Variants in AIG1 observed in about 807,000 individuals in gnomAD.
AIG1 encodes androgen-induced gene 1 protein.
In AIG1, 23 loss-of-function variants were observed where a neutral mutation model predicts 31.4. The observed-to-expected ratio is 0.73, with a 90% CI of 0.53 to 1.04. AIG1 has a LOEUF of 1.04. AIG1 is among the 50% of genes least tolerant of loss of function. The pLI, the probability that AIG1 is intolerant of heterozygous loss-of-function variation, is 0.00. For missense variants in AIG1, 274 were observed against 295.0 expected (o/e 0.93, Z 0.52); for synonymous variants, 100 against 110.5 (o/e 0.90, Z 0.60).
rs1776920302 is a variant in AIG1, at chr6:143,329,765, T to C, written c.516-3517T>C. ...AGTTGAAAAAATCAAAAGATGAATA[T>C]TTCATGATGTGAAAATTACATCTAA... On this transcript the variant is annotated intron_variant, in intron 4 of 5. Transcript: ENST00000357847. This position sits in a 1 kb window ranked among gnomAD's most constrained non-coding sequence, Gnocchi z 4.9. Among the ~76,000 whole-genome samples the C allele has an allele frequency of 2.0e-5, 3 of 152,222 alleles. No homozygotes were observed. Among genetic ancestry groups the C allele is most frequent in the Non-Finnish European group, 2.9e-5 (2 of 68,042 alleles).
intron 1 of AIG1, among the ~76,000 whole-genome samples, chr6:143,102,803 T>C (rs1562378075): frequency 6.6e-6 from 1 of 152,082 alleles, no homozygotes; most frequent in Non-Finnish European, 1.5e-5. Flanking sequence ...GTCAAAATAG[T>C]CATGCATTTC....
intron 3 of AIG1, among the ~76,000 whole-genome samples, chr6:143,172,492 A>T (rs577069850): frequency 6.6e-6 from 1 of 152,134 alleles, no homozygotes; most frequent in African/African-American, 2.4e-5. Context: ...GGATTTTTGC[A>T]TCTATGTTCA....
At chr6:143,228,231 C>T (rs761370553) in intron 3 of AIG1, among the ~76,000 whole-genome samples, 23 of 152,184 alleles carry the variant, frequency 1.5e-4, no homozygotes, top group African/African-American at 2.9e-4. Context: ...TACTGTTCTC[C>T]GTGACCTACA....
rs541668105 is a variant in AIG1 at position 143,080,005 on chromosome 6, C to T, written c.141+18939C>T. Among the ~76,000 whole-genome samples, 43 of 152,176 alleles carry T rather than the reference C, an allele frequency of 2.8e-4. 1 individual carries two copies. In the South Asian group the frequency reaches 5.8e-3, roughly 21 times the overall value. On this transcript the variant is annotated intron_variant, in intron 1 of 5. Coordinates refer to ENST00000357847, the MANE Select transcript of AIG1 (RefSeq NM_016108.4). ...TGTATTTTAGTGAGCCCTCTTTATACCTGATTGGCTGAGTGTGAGCTGAGT... is the reference window on the plus strand; with the variant it reads ...TGTATTTTAGTGAGCCCTCTTTATATCTGATTGGCTGAGTGTGAGCTGAGT...
chr6:143,195,963 G>A (rs1438752340), intron 3 of AIG1, among the ~76,000 whole-genome samples: 2 of 152,256 alleles, frequency 1.3e-5, no homozygotes, highest in East Asian at 3.8e-4. Context: ...CGAAGCAAGG[G>A]CAGATTGAGA....
chr6:143,129,356 C>T (rs1783008269), intron 1 of AIG1, among the ~76,000 whole-genome samples: 1 of 152,098 alleles, frequency 6.6e-6, no homozygotes, highest in Admixed American at 6.5e-5. Context: ...CTTTCCCTGA[C>T]CTCCACGTAC....
At position 143,329,332 on chromosome 6, in the gene AIG1, C is replaced by G. The variant is rs866676707; in HGVS notation, c.516-3950C>G. On this transcript the variant is annotated intron_variant, in intron 4 of 5. Transcript: ENST00000357847. This position sits in a 1 kb window ranked among gnomAD's most constrained non-coding sequence, Gnocchi z 4.9. ...CTTTAGTCTGATCTCAGTTTCTTTA[C>G]CTGTTTAAAGAGAATAATCATACCT... Among the ~76,000 whole-genome samples, 2 of 152,100 alleles carry G rather than the reference C, an allele frequency of 1.3e-5. No homozygotes were observed. Among genetic ancestry groups the G allele is most frequent in the South Asian group, 4.2e-4 (2 of 4,818 alleles).
intron 3 of AIG1, among the ~76,000 whole-genome samples, chr6:143,277,773 A>G (rs1797046924): frequency 6.6e-6 from 1 of 152,232 alleles, no homozygotes; most frequent in Admixed American, 6.5e-5. Context: ...TGGTGTTCAT[A>G]TGATATGGGA....
chr6:143,255,654 A>G (rs932629229), intron 3 of AIG1, among the ~76,000 whole-genome samples: 5 of 152,172 alleles, frequency 3.3e-5, no homozygotes, highest in African/African-American at 1.2e-4. Context: ...CACATTATCC[A>G]TGGGTGGATT....
At chr6:143,264,802 A>C (rs1796039692) in intron 3 of AIG1, among the ~76,000 whole-genome samples, 1 of 152,212 alleles carries the variant, frequency 6.6e-6, no homozygotes, top group Non-Finnish European at 1.5e-5. Context: ...GCTGAAAATA[A>C]AAAGACCATA....
intron 3 of AIG1, among the ~76,000 whole-genome samples, chr6:143,199,664 A>G (rs12210837): frequency 6.6e-6 from 1 of 152,100 alleles, no homozygotes; most frequent in Non-Finnish European, 1.5e-5. Flanking sequence ...TAATTCATTA[A>G]CAATTTGCTT....
At chr6:143,283,953 G>A (rs1391044611) in intron 3 of AIG1, among the ~76,000 whole-genome samples, 157 bp from the exon 4 acceptor site, 1 of 152,136 alleles carries the variant, frequency 6.6e-6, no homozygotes, top group East Asian at 1.9e-4. Flanking sequence ...CGCACTATGT[G>A]GTTTTACGTC....
chr6:143,247,972 T>A (rs946000333), intron 3 of AIG1, among the ~76,000 whole-genome samples: 5 of 152,170 alleles, frequency 3.3e-5, no homozygotes, highest in African/African-American at 4.8e-5. Context: ...TAAAAGGCTC[T>A]TGCGTCTCAT....
chr6:143,077,920 G>C (rs899526065), intron 1 of AIG1, among the ~76,000 whole-genome samples: 4 of 152,142 alleles, frequency 2.6e-5, no homozygotes, highest in Non-Finnish European at 4.4e-5. Context: ...TCTATCTACT[G>C]ATGAGGATCC....
chr6:143,319,278 C>T (rs56038389), intron 4 of AIG1, among the ~76,000 whole-genome samples: 4,698 of 152,112 alleles, frequency 0.031, 77 homozygotes, highest in Middle Eastern at 0.058. Flanking sequence ...GTATACACCA[C>T]GGAATACTAC....
intron 2 of AIG1, among the ~76,000 whole-genome samples, chr6:143,147,300 G>T (rs1784795492): frequency 6.6e-6 from 1 of 152,076 alleles, no homozygotes; most frequent in Non-Finnish European, 1.5e-5. Flanking sequence ...GTTCATTTTT[G>T]ACCAGAAAAG....
chr6:143,305,873 G>A (rs1283197835), intron 4 of AIG1, among the ~76,000 whole-genome samples: 2 of 151,978 alleles, frequency 1.3e-5, no homozygotes, highest in Non-Finnish European at 2.9e-5. Context: ...TCTCTTTGTA[G>A]GTCACTCAGG....
At chr6:143,306,807 G>A (rs1358276033) in intron 4 of AIG1, among the ~76,000 whole-genome samples, 1 of 152,160 alleles carries the variant, frequency 6.6e-6, no homozygotes, top group Admixed American at 6.5e-5. Context: ...TTCCAACTTG[G>A]TTCCATTCTC....
In AIG1 at chr6:143,292,420, G is replaced by A. The variant is rs1009550481; in HGVS notation, c.515+8195G>A. 6.6e-6 allele frequency among the ~76,000 whole-genome samples: 1 copy of A among 152,176 alleles called. No individual in the cohort carries two copies. The highest frequency in any genetic ancestry group is 1.5e-5 in the Non-Finnish European group (1 of 68,032). The stretch of plus-strand genomic sequence containing the variant: ...CGAAGGACAGTTAGAGAGATGCAGT[G>A]GAGAAAGGACTTGAACTGCCGTCAC... On this transcript the variant is annotated intron_variant, in intron 4 of 5. Transcript: ENST00000357847. The surrounding 1 kb of genome is among the most constrained non-coding windows in gnomAD (Gnocchi z 4.9).
Sources: gnomAD v4.1 joint callset for allele counts (sites outside exome capture counted in the v4.1 genomes callset) on GRCh38, gnomAD v4.1.1 for gene constraint, Gnocchi (gnomAD v3.1) non-coding constraint, MANE v1.5 for transcripts, NCBI Gene and HGNC (gene_info 2026-07-23, HGNC 2026-07-21) for gene names.